Variants in NTM observed in about 807,000 individuals in gnomAD.
NTM encodes IgLON family member 2.
NTM carries 13 observed loss-of-function variants against 42.1 expected under a neutral mutation model. The observed-to-expected ratio is 0.31, with a 90% CI of 0.20 to 0.49. The LOEUF (loss-of-function observed/expected upper bound fraction) is 0.49. Ranked by LOEUF, NTM falls within the 20% of genes least tolerant of loss-of-function variation. NTM has a pLI of 0.99. For synonymous variants in NTM, 187 were observed against 179.2 expected (o/e 1.04, Z -0.35); for missense variants, 373 against 452.8 (o/e 0.82, Z 1.60).
intron 2 of NTM, among the ~76,000 whole-genome samples, chr11:131,969,587 T>C (rs899149181): frequency 5.3e-5 from 8 of 152,130 alleles, no homozygotes; most frequent in Non-Finnish European, 8.8e-5. Context: ...ACATAATAGA[T>C]GTTGGGGTTT....
Position 131,816,566 on chromosome 11 carries a change from T to G in NTM, c.83-94998T>G, listed in dbSNP as rs1237763224. ...AAGCAAGAAAAAAAAAAAAAGGAAT[T>G]TAAAGATTATTAGTCCAATTTATCA... On this transcript the variant is annotated intron_variant, in intron 1 of 8. Transcript: ENST00000683400. Among the ~76,000 whole-genome samples the G allele has an allele frequency of 4.0e-5, 6 of 151,858 alleles. No homozygotes were observed. In the East Asian group the frequency reaches 1.2e-3, roughly 29 times the overall value.
intron 1 of NTM, among the ~76,000 whole-genome samples, chr11:131,390,080 C>T (rs929697200): frequency 6.6e-6 from 1 of 152,128 alleles, no homozygotes; most frequent in Non-Finnish European, 1.5e-5. Flanking sequence ...GTTTATTTGG[C>T]TCATGGTTCT....
chr11:131,603,281 C>G (rs10791154), intron 1 of NTM, among the ~76,000 whole-genome samples: 70,289 of 151,712 alleles, frequency 0.46, 17,195 homozygotes, highest in East Asian at 0.61. Flanking sequence ...ACTTTATCCT[C>G]TCTCTGCTTG....
At chr11:132,276,792 C>T (rs1432162074) in intron 4 of NTM, among the ~76,000 whole-genome samples, 1 of 152,100 alleles carries the variant, frequency 6.6e-6, no homozygotes, top group Non-Finnish European at 1.5e-5. Context: ...TTCCTGCAGC[C>T]TCTACCTGTG....
chr11:131,858,297 C>T (rs1005913756), intron 1 of NTM, among the ~76,000 whole-genome samples: 6 of 152,138 alleles, frequency 3.9e-5, no homozygotes, highest in Admixed American at 3.3e-4. Context: ...CTCTCCCTCT[C>T]TCCCTCTCTC....
At chr11:132,170,330 C>T (rs952633460) in intron 3 of NTM, among the ~76,000 whole-genome samples, 17 of 152,182 alleles carry the variant, frequency 1.1e-4, no homozygotes, top group African/African-American at 3.6e-4. Flanking sequence ...ATTCCCTCTA[C>T]AATAGGTATA....
intron 1 of NTM, among the ~76,000 whole-genome samples, chr11:131,590,538 G>A (rs573357753): frequency 2.2e-4 from 33 of 152,210 alleles, no homozygotes; most frequent in Non-Finnish European, 3.8e-4. Context: ...TGCCAAGCCA[G>A]GTGTCCCCTG....
intron 1 of NTM, chr11:131,582,284 C>A (rs778901364): frequency 1.3e-5 from 2 of 152,172 alleles, no homozygotes; most frequent in Non-Finnish European, 2.9e-5. Flanking sequence ...GAATCTACGC[C>A]GACTGGCACC....
chr11:131,789,636 A>AGGAGAAGGAGAAG (rs1555127949), intron 1 of NTM, among the ~76,000 whole-genome samples: 1 of 30,900 alleles, frequency 3.2e-5, no homozygotes, highest in Non-Finnish European at 7.3e-5. Context: ...AAGAAGAAGA[A>AGGAGAAGGAGAAG]AAGAAGAAGA....
intron 4 of NTM, among the ~76,000 whole-genome samples, chr11:132,250,467 C>T (rs1591532672): frequency 6.6e-6 from 1 of 152,142 alleles, no homozygotes; most frequent in East Asian, 1.9e-4. Context: ...AATATTGCCT[C>T]TTGTCCCCTT....
intron 1 of NTM, among the ~76,000 whole-genome samples, chr11:131,635,242 C>T (rs2064209199): frequency 6.6e-6 from 1 of 152,130 alleles, no homozygotes; most frequent in South Asian, 2.1e-4. Flanking sequence ...TAGGCAGGTC[C>T]TTCAGGAGGG....
intron 1 of NTM, among the ~76,000 whole-genome samples, chr11:131,455,047 T>C (rs150762493): frequency 6.6e-6 from 1 of 152,324 alleles, no homozygotes; most frequent in Non-Finnish European, 1.5e-5. Context: ...TTGTAGACTA[T>C]ACATTTGCTG....
chr11:131,635,326 G>A (rs1029503525), intron 1 of NTM, among the ~76,000 whole-genome samples: 30 of 152,160 alleles, frequency 2.0e-4, no homozygotes, highest in African/African-American at 7.2e-4. Context: ...ACCTTCCAGT[G>A]GGATGAGACG....
chr11:132,321,947 G>C lies in NTM; in HGVS notation c.934+7244G>C, dbSNP rs540822685. On this transcript the variant is annotated intron_variant, in intron 7 of 8. Coordinates refer to ENST00000683400, the MANE Select transcript of NTM (RefSeq NM_001352005.2). ...CAAACTAAGCTTCATAAGTGAAGGA[G>C]AAATAAAATACTTTACAGACAAGCA... Among the ~76,000 whole-genome samples, 68 of 143,888 alleles carry C rather than the reference G, an allele frequency of 4.7e-4. No individual in the cohort carries two copies. In the South Asian group the frequency reaches 0.014, roughly 29 times the overall value. 94.4% of individuals were successfully genotyped at this position (143,888 alleles called of 152,430 possible).
intron 1 of NTM, among the ~76,000 whole-genome samples, chr11:131,840,845 A>C (rs1033071285): frequency 6.6e-6 from 1 of 152,118 alleles, no homozygotes; most frequent in Non-Finnish European, 1.5e-5. Flanking sequence ...TATTTTTCTC[A>C]GTGAAGGAGG....
At chr11:132,310,258 A>T (rs1555086162) in intron 6 of NTM, 26 bp downstream of exon 6, 1 of 1,548,776 alleles carries the variant, frequency 6.5e-7, no homozygotes, top group Admixed American at 2.2e-5. Flanking sequence ...TTCCTATCCC[A>T]CCCCTACCCC....
chr11:131,821,926 T>A (rs563796740), intron 1 of NTM, among the ~76,000 whole-genome samples: 2 of 152,320 alleles, frequency 1.3e-5, no homozygotes, highest in South Asian at 2.1e-4. Flanking sequence ...GACAAAAGAC[T>A]CAAATGTATA....
intron 1 of NTM, among the ~76,000 whole-genome samples, chr11:131,833,468 A>G (rs1043206842): frequency 6.6e-6 from 1 of 152,212 alleles, no homozygotes. Context: ...AGAGGTTTAT[A>G]TGCCTTCCCT....
chr11:132,286,490 C>T (rs375482464), intron 4 of NTM, among the ~76,000 whole-genome samples: 3 of 152,216 alleles, frequency 2.0e-5, no homozygotes, highest in African/African-American at 7.2e-5. Context: ...GAGAAGAACA[C>T]GATATTACAC....
Sources: allele counts gnomAD v4.1 joint callset (sites outside exome capture counted in the v4.1 genomes callset), GRCh38; gene constraint gnomAD v4.1.1; transcripts MANE v1.5; gene names NCBI Gene and HGNC (gene_info 2026-07-23, HGNC 2026-07-21).